The following SLC16A9 variants were observed in gnomAD, a reference collection of about 807,000 sequenced individuals.
SLC16A9 encodes the protein monocarboxylate transporter 9.
A neutral mutation model predicts 44.3 loss-of-function variants in SLC16A9; 26 were observed. The observed-to-expected ratio is 0.59, with a 90% CI of 0.43 to 0.81. The LOEUF is 0.81. SLC16A9 is among the 40% of genes least tolerant of loss of function. The pLI, the probability that SLC16A9 is intolerant of heterozygous loss-of-function variation, is 0.00. For synonymous variants in SLC16A9, 230 were observed against 225.1 expected (o/e 1.02, Z -0.19); for missense variants, 559 against 595.8 (o/e 0.94, Z 0.64).
At position 59,654,298 on chromosome 10, in the gene SLC16A9, G is replaced by A; in HGVS notation, c.728C>T (p.Ala243Val). 3 of 1,614,116 alleles carry A rather than the reference G, an allele frequency of 1.9e-6. No homozygotes were observed. The highest frequency in any genetic ancestry group is 1.7e-6 in the Non-Finnish European group (2 of 1,180,018). Residue 243 changes from alanine to valine, a missense_variant, in exon 5 of 6, where the codon GCC becomes GTC. Physicochemically the swap from Ala to Val is moderately conservative, Grantham distance 64. Transcript: ENST00000395348. Reference sequence around the variant, plus strand: ...GCTGTCTTGTTTCCAGTCACCATTGGCTAACGTGATCCTGCATTTTTCCTC... The same window carrying A: ...GCTGTCTTGTTTCCAGTCACCATTGACTAACGTGATCCTGCATTTTTCCTC... ...SSEEKCRITLANGDWKQDSLL... is the reference protein window; with the variant it reads ...SSEEKCRITLVNGDWKQDSLL...
intron 2 of SLC16A9, among the ~76,000 whole-genome samples, chr10:59,678,846 A>T (rs376239304): frequency 6.6e-6 from 1 of 151,946 alleles, no homozygotes. Flanking sequence ...CCCGGCCACC[A>T]ATCTTAAAAC....
chr10:59,674,045 C>G (rs1049849539), intron 2 of SLC16A9, among the ~76,000 whole-genome samples: 4 of 152,074 alleles, frequency 2.6e-5, no homozygotes, highest in Non-Finnish European at 5.9e-5. Flanking sequence ...ATCAGAAGAG[C>G]GCAAAGCCAA....
chr10:59,676,641 G>A (rs925532292), intron 2 of SLC16A9, among the ~76,000 whole-genome samples: 24 of 152,128 alleles, frequency 1.6e-4, no homozygotes, highest in African/African-American at 5.8e-4. Context: ...TATAATAACT[G>A]GCCAGGCATG....
At chr10:59,672,690 A>C (rs1232514561) in intron 3 of SLC16A9, 80 bp downstream of exon 3, 16 of 1,362,880 alleles carry the variant, frequency 1.2e-5, no homozygotes, top group Non-Finnish European at 1.6e-5. Flanking sequence ...CTTTACATTA[A>C]CTGGATCATA....
Position 59,653,983 on chromosome 10 carries a change from A to G in SLC16A9, c.1043T>C (p.Ile348Thr). 3.1e-6 allele frequency: 5 copies of G among 1,613,954 alleles called. No individual in the cohort carries two copies. Among genetic ancestry groups the G allele is most frequent in the Non-Finnish European group, 4.2e-6 (5 of 1,180,030 alleles). ...ACCAACTGCTGTCATAATGCCTATAATGGAAATAAGTGGCATAATAAACTC... is the reference window on the plus strand; with the variant it reads ...ACCAACTGCTGTCATAATGCCTATAGTGGAAATAAGTGGCATAATAAACTC... Reference protein sequence around the residue: ...EEEFIMPLISIIGIMTAVGKL... With the variant: ...EEEFIMPLISTIGIMTAVGKL... The change falls in exon 5 of 6, where the codon ATT becomes ACT. Residue 348 changes from isoleucine (I) to threonine (T), a missense_variant. Coordinates refer to ENST00000395348, the MANE Select transcript of SLC16A9 (RefSeq NM_194298.3).
chr10:59,688,633 G>A lies in SLC16A9; in HGVS notation c.-36-4306C>T, dbSNP rs564579669. On this transcript the variant is annotated intron_variant, in intron 1 of 5. Coordinates refer to ENST00000395348, the MANE Select transcript of SLC16A9 (RefSeq NM_194298.3). ...TTCTGATCTTTCTAATGACAATTTA[G>A]TACTTTACAATTTCTGTCCAGAATC... Among the ~76,000 whole-genome samples, 6 of 151,806 alleles carry A rather than the reference G, an allele frequency of 4.0e-5. No individual in the cohort carries two copies. In the South Asian group the frequency reaches 1.3e-3, roughly 32 times the overall value.
At position 59,684,288 on chromosome 10, in the gene SLC16A9, C is replaced by G. The variant is rs773124861; in HGVS notation, c.4G>C (p.Glu2Gln). ...CCACCGTCAGGCGACTTTTTAAGTT[C>G]CATTGTAAGACAAAATCAGGAGGCG... M[E>Q]LKKSPDGGWG... is the part of the protein sequence containing the mutation. Residue 2 changes from glutamate (E) to glutamine (Q), a missense_variant, in exon 2 of 6, where the codon GAA (glutamate) becomes CAA (glutamine). Transcript: ENST00000395348. 14 of 1,611,480 alleles carry G rather than the reference C, an allele frequency of 8.7e-6. No homozygotes were observed. Among genetic ancestry groups the G allele is most frequent in the African/African-American group, 1.3e-5 (1 of 74,788 alleles).
At chr10:59,672,938 C>T (rs1028458304) in intron 2 of SLC16A9, 25 bp from the exon 3 acceptor site, 4 of 1,590,756 alleles carry the variant, frequency 2.5e-6, no homozygotes, top group African/African-American at 2.7e-5. Context: ...GAAACCTTCA[C>T]TTATTATCAT....
intron 4 of SLC16A9, among the ~76,000 whole-genome samples, chr10:59,655,496 A>ATG (rs1416965266): frequency 6.6e-6 from 1 of 152,220 alleles, no homozygotes; most frequent in East Asian, 1.9e-4. Context: ...AATCACCGGA[A>ATG]TGAGTGAGTC....
intron 2 of SLC16A9, among the ~76,000 whole-genome samples, chr10:59,681,561 GA>G (rs1266478552): frequency 9.7e-6 from 1 of 103,256 alleles, no homozygotes. Flanking sequence ...ATATGTATAT[GA>G]TGTATATGTA....
chr10:59,693,756 G>A (rs1444994518), intron 1 of SLC16A9, among the ~76,000 whole-genome samples: 38 of 143,210 alleles, frequency 2.7e-4, no homozygotes, highest in African/African-American at 8.8e-4. Flanking sequence ...AGTAGCTGGG[G>A]CTACAGGCGC....
chr10:59,697,299 A>G (rs1035319904), intron 1 of SLC16A9, among the ~76,000 whole-genome samples: 10 of 151,196 alleles, frequency 6.6e-5, no homozygotes, highest in African/African-American at 2.4e-4. Context: ...AAGGGGGGAA[A>G]GGTGGGGAAA....
At chr10:59,669,083 A>G (rs1056962623) in intron 3 of SLC16A9, among the ~76,000 whole-genome samples, 1 of 152,230 alleles carries the variant, frequency 6.6e-6, no homozygotes, top group Non-Finnish European at 1.5e-5. Flanking sequence ...TCCAAAAATC[A>G]GGAAGGGAAT....
At chr10:59,678,105 A>G (rs1839899632) in intron 2 of SLC16A9, among the ~76,000 whole-genome samples, 1 of 144,118 alleles carries the variant, frequency 6.9e-6, no homozygotes, top group Admixed American at 7.3e-5. Flanking sequence ...TTTTTCCTAA[A>G]AAGTTTCAGA....
In SLC16A9 at chr10:59,681,690, GTA is replaced by G. The variant is rs756321876; in HGVS notation, c.196+2404_196+2405del. On this transcript the variant is annotated intron_variant, in intron 2 of 5. Coordinates refer to ENST00000395348, the MANE Select transcript of SLC16A9 (RefSeq NM_194298.3). ...TGTATATGTATATGTATATGTATAT[GTA>G]TATATATATGTATATGTATATGTAT... Among the ~76,000 whole-genome samples, 155 of 17,514 alleles carry G rather than the reference GTA, an allele frequency of 8.9e-3. 51 individuals carry two copies. Among genetic ancestry groups the G allele is most frequent in the African/African-American group, 0.036 (128 of 3,568 alleles). 11.5% of individuals were successfully genotyped at this position (17,514 alleles called of 152,430 possible).
intron 4 of SLC16A9, among the ~76,000 whole-genome samples, chr10:59,657,037 G>T (rs1839364939): frequency 6.6e-6 from 1 of 152,032 alleles, no homozygotes. Flanking sequence ...AGGCATAGAG[G>T]GTGTACAATC....
intron 4 of SLC16A9, among the ~76,000 whole-genome samples, chr10:59,661,610 C>T (rs1013856237): frequency 5.9e-5 from 9 of 152,118 alleles, no homozygotes; most frequent in African/African-American, 1.7e-4. Context: ...TCCCATCAAG[C>T]TACCATTGAC....
intron 1 of SLC16A9, among the ~76,000 whole-genome samples, chr10:59,707,685 TGTG>T (rs1312754025): frequency 6.6e-6 from 1 of 152,054 alleles, no homozygotes; most frequent in African/African-American, 2.4e-5. Context: ...TTCAAAATAC[TGTG>T]TTGTGTGCAT....
At chr10:59,667,898 A>T (rs1839656867) in intron 3 of SLC16A9, among the ~76,000 whole-genome samples, 1 of 152,134 alleles carries the variant, frequency 6.6e-6, no homozygotes, top group Non-Finnish European at 1.5e-5. Context: ...ATGTTGTAAC[A>T]TTTCTTTTCC....
Sources: allele counts gnomAD v4.1 joint callset (sites outside exome capture counted in the v4.1 genomes callset), GRCh38; gene constraint gnomAD v4.1.1; transcripts MANE v1.5; gene names NCBI Gene and HGNC (gene_info 2026-07-23, HGNC 2026-07-21).